MYOF: variants seen among roughly 807,000 people sequenced by gnomAD.
The protein encoded by MYOF is myoferlin.
Under a neutral mutation model 284.2 loss-of-function variants are expected in MYOF, and 244 were observed. The observed-to-expected ratio is 0.86, with a 90% CI of 0.77 to 0.95. The LOEUF is 0.95. Among genes scored for constraint, MYOF ranks in the 40% least tolerant of loss-of-function variants. The pLI is 0.00. For missense variants in MYOF, 2,496 were observed against 2,560.6 expected, an observed-to-expected ratio of 0.97 and a Z score of 0.54; for synonymous variants, 904 against 919.7, an observed-to-expected ratio of 0.98 and a Z score of 0.31.
chr10:93,314,315 C>T (rs369410995), intron 50 of MYOF, among the ~76,000 whole-genome samples: 1 of 152,180 alleles, frequency 6.6e-6, no homozygotes, highest in East Asian at 1.9e-4. Flanking sequence ...TCTTGAACTC[C>T]TGACCTCATG....
chr10:93,458,623 G>T (rs140531010), intron 1 of MYOF, among the ~76,000 whole-genome samples: 17 of 151,686 alleles, frequency 1.1e-4, no homozygotes, highest in Non-Finnish European at 2.4e-4. Flanking sequence ...CCAGCTACTC[G>T]GGAGGCTGAG....
intron 1 of MYOF, among the ~76,000 whole-genome samples, chr10:93,469,051 C>T (rs10509659): frequency 0.047 from 7,126 of 152,234 alleles, 221 homozygotes; most frequent in Non-Finnish European, 0.07. Flanking sequence ...TCTGCACAAT[C>T]GGTATGAATA....
chr10:93,343,641 T>C (rs1037993127), intron 38 of MYOF, among the ~76,000 whole-genome samples: 4 of 152,210 alleles, frequency 2.6e-5, no homozygotes, highest in Non-Finnish European at 4.4e-5. Flanking sequence ...GGTGACTTAT[T>C]AGTGAGGGTT....
chr10:93,395,308 T>C (rs1312934742), intron 16 of MYOF, among the ~76,000 whole-genome samples: 1 of 152,144 alleles, frequency 6.6e-6, no homozygotes, highest in African/African-American at 2.4e-5. Flanking sequence ...CTGGGCGTGG[T>C]GGCATGCGCC....
At chr10:93,319,177 C>G (rs940378542) in intron 49 of MYOF, among the ~76,000 whole-genome samples, 1 of 152,206 alleles carries the variant, frequency 6.6e-6, no homozygotes, top group Admixed American at 6.5e-5. Flanking sequence ...GGGCTTCGCT[C>G]TTCTCTTTCT....
chr10:93,349,638 C>CT lies in MYOF; in HGVS notation c.4083+169dup, dbSNP rs146644528. Among the ~76,000 whole-genome samples the CT allele has an allele frequency of 4.0e-3, 613 of 152,256 alleles. 6 individuals carry two copies. Among genetic ancestry groups the CT allele is most frequent in the African/African-American group, 0.014 (589 of 41,550 alleles). ...ATTTTGAAGCTTTAAGAAATCATCA[C>CT]TACAGTGGGAGAATTTAAGGGGAAA... On this transcript the variant is annotated intron_variant, in intron 36 of 53. Transcript: ENST00000359263.
chr10:93,310,059 G>A lies in MYOF; in HGVS notation c.6108C>T (p.Ile2036=). The A allele has an allele frequency of 6.2e-7, 1 of 1,614,112 alleles. No homozygotes were observed. Among genetic ancestry groups the A allele is most frequent in the Non-Finnish European group, 8.5e-7 (1 of 1,180,024 alleles). ...WVIIGLLFLL[I]LLLFVAVLLY... ...GGAGCACGGCCACGAAGAGCAGCAG[G>A]ATAAGCAGGAACAGCAAGCCGATGA... The change falls in exon 53 of 54, where the codon ATC becomes ATT. Residue 2036 remains isoleucine, a synonymous_variant. Coordinates refer to ENST00000359263, the MANE Select transcript of MYOF (RefSeq NM_013451.4).
chr10:93,425,970 A>G, intron 5 of MYOF, 101 bp downstream of exon 5: 2 of 1,238,698 alleles, frequency 1.6e-6, no homozygotes, highest in Non-Finnish European at 1.1e-6. Flanking sequence ...GCAGGGAGCT[A>G]CAGGCTTGTG....
intron 3 of MYOF, among the ~76,000 whole-genome samples, chr10:93,445,795 G>A (rs889357954): frequency 6.6e-5 from 10 of 152,170 alleles, no homozygotes; most frequent in South Asian, 2.1e-4. Flanking sequence ...ACAGGCCATC[G>A]CCATGGCAAC....
In MYOF at chr10:93,361,476, T is replaced by A; in HGVS notation, c.2950A>T (p.Ile984Leu). 6.2e-7 allele frequency: 1 copy of A among 1,614,232 alleles called. No homozygotes were observed. ...EWEDDAWSYD[I>L]NRAVDEKGWE... is the part of the protein sequence containing the mutation. Reference sequence around the variant, plus strand: ...CCTTTCTCATCCACCGCTCGATTTATGTCATAAGACCATGCATCATCTTCC... The same window carrying A: ...CCTTTCTCATCCACCGCTCGATTTAAGTCATAAGACCATGCATCATCTTCC... Residue 984 changes from isoleucine to leucine, a missense_variant, in exon 28 of 54, where the codon ATA becomes TTA. Transcript: ENST00000359263.
Position 93,374,758 on chromosome 10 carries a change from C to T in MYOF, c.2301+5G>A. 6.2e-7 allele frequency: 1 copy of T among 1,612,944 alleles called. No individual in the cohort carries two copies. Among genetic ancestry groups the T allele is most frequent in the Non-Finnish European group, 8.5e-7 (1 of 1,179,492 alleles). Reference sequence around the variant, plus strand: ...GGTGACGTTTGTGTAGTTTAAAAGTCCTACCTCTTCAGTCAGCTGCATTAA... The same window carrying T: ...GGTGACGTTTGTGTAGTTTAAAAGTTCTACCTCTTCAGTCAGCTGCATTAA... On this transcript the variant is annotated splice_donor_5th_base_variant and intron_variant, in intron 23 of 53. Transcript: ENST00000359263.
intron 30 of MYOF, 41 bp from the exon 31 acceptor site, chr10:93,355,777 A>G: frequency 6.8e-7 from 1 of 1,474,032 alleles, no homozygotes; most frequent in Non-Finnish European, 9.4e-7. Context: ...AGAAGTCAAT[A>G]AACACTGCCT....
At chr10:93,315,585 A>G (rs909335542) in intron 50 of MYOF, among the ~76,000 whole-genome samples, 4 of 152,178 alleles carry the variant, frequency 2.6e-5, no homozygotes, top group African/African-American at 9.7e-5. Context: ...GCTCACTGCC[A>G]GCCAGATATA....
intron 41 of MYOF, 37 bp downstream of exon 41, chr10:93,335,884 G>C (rs1447449883): frequency 6.2e-7 from 1 of 1,604,342 alleles, no homozygotes; most frequent in Non-Finnish European, 8.5e-7. Context: ...GAAAATGAAG[G>C]TGGATTTTAA....
chr10:93,468,664 C>T (rs1239225084), intron 1 of MYOF, among the ~76,000 whole-genome samples: 1 of 152,228 alleles, frequency 6.6e-6, no homozygotes, highest in Non-Finnish European at 1.5e-5. Context: ...GGTGTCTCAT[C>T]ATTAGTCATC....
At chr10:93,455,548 C>T (rs1248960777) in intron 2 of MYOF, among the ~76,000 whole-genome samples, 1 of 151,914 alleles carries the variant, frequency 6.6e-6, no homozygotes, top group Non-Finnish European at 1.5e-5. Flanking sequence ...GCTTGTGGTC[C>T]CAGCTACTCA....
At chr10:93,349,032 G>A (rs1844378373) in intron 36 of MYOF, among the ~76,000 whole-genome samples, 1 of 152,122 alleles carries the variant, frequency 6.6e-6, no homozygotes, top group Non-Finnish European at 1.5e-5. Flanking sequence ...GCACTGTATT[G>A]GAGACATCAA....
At chr10:93,331,047 T>G (rs1417385143) in intron 43 of MYOF, among the ~76,000 whole-genome samples, 2 of 152,136 alleles carry the variant, frequency 1.3e-5, no homozygotes, top group Non-Finnish European at 2.9e-5. Flanking sequence ...TTCTGAGAAG[T>G]CCTGCAATTA....
chr10:93,473,010 C>T (rs564521604), intron 1 of MYOF, among the ~76,000 whole-genome samples: 5 of 152,206 alleles, frequency 3.3e-5, no homozygotes, highest in Admixed American at 6.5e-5. Flanking sequence ...AGATTATTCT[C>T]CACACTCTGT....
Sources: gnomAD v4.1 joint callset for allele counts (sites outside exome capture counted in the v4.1 genomes callset) on GRCh38, gnomAD v4.1.1 for gene constraint, MANE v1.5 for transcripts, NCBI Gene and HGNC (gene_info 2026-07-23, HGNC 2026-07-21) for gene names.